The following KSR2 variants were observed in gnomAD, a reference collection of about 807,000 sequenced individuals.
The protein encoded by KSR2 is kinase suppressor of ras 2.
A neutral mutation model predicts 107.8 loss-of-function variants in KSR2; 25 were observed. That is an observed-to-expected ratio of 0.23 (90% CI 0.17 to 0.32). The LOEUF (loss-of-function observed/expected upper bound fraction) is 0.32, where lower values mean the gene tolerates loss of function less well. Among genes scored for constraint, KSR2 ranks in the 10% least tolerant of loss-of-function variants. The pLI, the probability that KSR2 is intolerant of heterozygous loss-of-function variation, is 1.00. For synonymous variants in KSR2, 480 were observed against 507.0 expected, an observed-to-expected ratio of 0.95 and a Z score of 0.71; for missense variants, 887 against 1,268.9, an observed-to-expected ratio of 0.70 and a Z score of 4.57.
intron 5 of KSR2, among the ~76,000 whole-genome samples, chr12:117,606,916 C>T (rs565770056): frequency 2.0e-5 from 3 of 152,232 alleles, no homozygotes; most frequent in Admixed American, 1.3e-4. Context: ...GAAAAAGATT[C>T]CCTGGCTTAG....
chr12:117,540,095 G>A (rs1249539744), intron 9 of KSR2, among the ~76,000 whole-genome samples: 2 of 152,000 alleles, frequency 1.3e-5, no homozygotes, highest in Non-Finnish European at 2.9e-5. Flanking sequence ...CTCTGGAGTC[G>A]AATTCCTGTC....
At chr12:117,869,099 C>T (rs949329897) in intron 1 of KSR2, among the ~76,000 whole-genome samples, 8 of 148,958 alleles carry the variant, frequency 5.4e-5, no homozygotes, top group South Asian at 4.7e-4. Context: ...AGGCCAGGCG[C>T]GGTGGCTCAC....
chr12:117,678,464 T>C (rs1476707004), intron 4 of KSR2, among the ~76,000 whole-genome samples: 1 of 152,068 alleles, frequency 6.6e-6, no homozygotes. Context: ...CTCCTCACTA[T>C]GACCCAAGAG....
chr12:117,467,605 T>G (rs1373033293), intron 19 of KSR2, among the ~76,000 whole-genome samples: 1 of 152,168 alleles, frequency 6.6e-6, no homozygotes, highest in Non-Finnish European at 1.5e-5. Context: ...CACTTGGGCA[T>G]GGACTAGGAA....
In KSR2 at chr12:117,469,812, TGTG is replaced by T; in HGVS notation, c.2713-20_2713-18del. 2 of 1,613,448 alleles carry T rather than the reference TGTG, an allele frequency of 1.2e-6. No individual in the cohort carries two copies. Among genetic ancestry groups the T allele is most frequent in the South Asian group, 1.1e-5 (1 of 90,864 alleles). ...AAGAATGTCCTAAATGAAACCAATG[TGTG>T]GTGATTACACATAAATGGTGATTTC... On this transcript the variant is annotated intron_variant, in intron 18 of 19. Coordinates refer to ENST00000339824, the MANE Select transcript of KSR2 (RefSeq NM_173598.6).
At chr12:117,690,219 A>G (rs2136568660) in intron 4 of KSR2, among the ~76,000 whole-genome samples, 1 of 152,312 alleles carries the variant, frequency 6.6e-6, no homozygotes, top group African/African-American at 2.4e-5. Flanking sequence ...TCCCCAGTCT[A>G]TAGAACAGAC....
At chr12:117,483,939 C>T (rs552354161) in intron 16 of KSR2, among the ~76,000 whole-genome samples, 3 of 152,254 alleles carry the variant, frequency 2.0e-5, no homozygotes, top group Admixed American at 6.5e-5. Context: ...AGTTCAGAGA[C>T]GTTGTTCGGC....
intron 10 of KSR2, among the ~76,000 whole-genome samples, chr12:117,535,605 TG>T (rs1875994042): frequency 3.1e-4 from 1 of 3,262 alleles, no homozygotes; most frequent in Middle Eastern, 0.1. Context: ...TTCCTGGAGT[TG>T]TGTGTGTGTG....
At chr12:117,639,901 C>T (rs911740280) in intron 5 of KSR2, among the ~76,000 whole-genome samples, 7 of 152,116 alleles carry the variant, frequency 4.6e-5, no homozygotes, top group East Asian at 3.9e-4. Flanking sequence ...ACCACCTCCC[C>T]GACAGTAGAA....
intron 4 of KSR2, among the ~76,000 whole-genome samples, chr12:117,684,371 C>T (rs925922293): frequency 6.6e-6 from 1 of 152,222 alleles, no homozygotes; most frequent in Admixed American, 6.5e-5. Flanking sequence ...CATATAGTAA[C>T]AGCTCCATAA....
chr12:117,798,403 C>T (rs953409718), intron 3 of KSR2, among the ~76,000 whole-genome samples: 4 of 152,148 alleles, frequency 2.6e-5, no homozygotes, highest in African/African-American at 9.7e-5. Flanking sequence ...GAGGCCAAGG[C>T]AGGCGGATCA....
intron 1 of KSR2, among the ~76,000 whole-genome samples, chr12:117,964,271 T>TA (rs1896735021): frequency 6.6e-6 from 1 of 152,174 alleles, no homozygotes; most frequent in Non-Finnish European, 1.5e-5. Flanking sequence ...GACTCCGTTC[T>TA]ATCCTCTCTT....
chr12:117,590,284 A>G (rs1458549834), intron 5 of KSR2, among the ~76,000 whole-genome samples: 1 of 152,178 alleles, frequency 6.6e-6, no homozygotes, highest in Non-Finnish European at 1.5e-5. Flanking sequence ...AGCATACTTT[A>G]TTTCTGAACA....
chr12:117,474,972 C>T (rs80349937), intron 17 of KSR2, among the ~76,000 whole-genome samples: 2,059 of 152,208 alleles, frequency 0.014, 53 homozygotes, highest in African/African-American at 0.047. Context: ...ATCTAGGCAC[C>T]ACCCAAATTC....
intron 16 of KSR2, among the ~76,000 whole-genome samples, chr12:117,481,902 A>C (rs2137135529): frequency 6.6e-6 from 1 of 152,256 alleles, no homozygotes; most frequent in African/African-American, 2.4e-5. Flanking sequence ...CAGTTACTGA[A>C]GATGCCTTGT....
intron 10 of KSR2, among the ~76,000 whole-genome samples, chr12:117,533,198 C>T (rs1238365913): frequency 6.6e-6 from 1 of 152,196 alleles, no homozygotes; most frequent in Non-Finnish European, 1.5e-5. Flanking sequence ...TTTATAGCCA[C>T]GAGACAATCA....
At chr12:117,707,828 T>G (rs1593153415) in intron 4 of KSR2, among the ~76,000 whole-genome samples, 1 of 152,122 alleles carries the variant, frequency 6.6e-6, no homozygotes, top group Non-Finnish European at 1.5e-5. Flanking sequence ...TGGGAGGGGA[T>G]AGGGGTTGCA....
intron 4 of KSR2, among the ~76,000 whole-genome samples, chr12:117,694,687 T>C (rs759889044): frequency 6.6e-6 from 1 of 152,150 alleles, no homozygotes; most frequent in African/African-American, 2.4e-5. Context: ...CACTGACAGA[T>C]GAATGGATGA....
intron 4 of KSR2, among the ~76,000 whole-genome samples, chr12:117,682,791 G>A (rs1885422527): frequency 6.6e-6 from 1 of 152,058 alleles, no homozygotes; most frequent in Non-Finnish European, 1.5e-5. Context: ...AACAAGAATG[G>A]AACAAGAACG....
Sources: allele counts gnomAD v4.1 joint callset (sites outside exome capture counted in the v4.1 genomes callset), GRCh38; gene constraint gnomAD v4.1.1; transcripts MANE v1.5; gene names NCBI Gene and HGNC (gene_info 2026-07-23, HGNC 2026-07-21).